Variants in ARPC1A observed in about 807,000 individuals in gnomAD.
ARPC1A encodes the protein actin-related protein 2/3 complex subunit 1A.
ARPC1A carries 8 observed loss-of-function variants against 46.9 expected under a neutral mutation model. The observed-to-expected ratio is 0.17, with a 90% CI of 0.10 to 0.31. The LOEUF (loss-of-function observed/expected upper bound fraction) is 0.31. Ranked by LOEUF, ARPC1A falls within the 10% of genes least tolerant of loss-of-function variation. The pLI, the probability that ARPC1A is intolerant of heterozygous loss-of-function variation, is 1.00. For synonymous variants in ARPC1A, 152 were observed against 169.0 expected, an observed-to-expected ratio of 0.90 and a Z score of 0.78; for missense variants, 286 against 483.6, an observed-to-expected ratio of 0.59 and a Z score of 3.83.
chr7:99,356,916 AAAAG>A (rs762253243), intron 6 of ARPC1A, among the ~76,000 whole-genome samples: 14 of 152,144 alleles, frequency 9.2e-5, no homozygotes, highest in Non-Finnish European at 1.8e-4. Flanking sequence ...AAGAAAGAAA[AAAAG>A]AAAGATTGTC....
At chr7:99,343,805 A>G (rs1409979667) in intron 3 of ARPC1A, among the ~76,000 whole-genome samples, 6 of 152,320 alleles carry the variant, frequency 3.9e-5, no homozygotes, top group East Asian at 1.9e-4. Context: ...ATCACAATAT[A>G]TAGTTCCCCC....
At chr7:99,337,701 G>T (rs1263368809) in intron 2 of ARPC1A, among the ~76,000 whole-genome samples, 1 of 152,130 alleles carries the variant, frequency 6.6e-6, no homozygotes, top group Non-Finnish European at 1.5e-5. Flanking sequence ...TAGTTTATCA[G>T]CAGAATCAAT....
intron 5 of ARPC1A, among the ~76,000 whole-genome samples, chr7:99,353,489 T>G (rs1226023774): frequency 6.7e-6 from 1 of 148,360 alleles, no homozygotes. Context: ...TATTTATTTA[T>G]TTATTGAGAA....
intron 3 of ARPC1A, 52 bp from the exon 4 acceptor site, chr7:99,344,241 C>T (rs1584379440): frequency 6.3e-7 from 1 of 1,575,094 alleles, no homozygotes; most frequent in South Asian, 1.1e-5. Flanking sequence ...GCCTGTGCCG[C>T]AGTTGTTTGT....
At chr7:99,333,218 A>G in intron 1 of ARPC1A, 107 bp from the exon 2 acceptor site, 2 of 740,804 alleles carry the variant, frequency 2.7e-6, no homozygotes, top group Non-Finnish European at 2.3e-6. Context: ...ATGGGAGGAC[A>G]ATGTTTTATT....
intron 6 of ARPC1A, among the ~76,000 whole-genome samples, chr7:99,356,113 A>G (rs1793624636): frequency 6.6e-6 from 1 of 152,156 alleles, no homozygotes; most frequent in African/African-American, 2.4e-5. Context: ...TGATAGCTAA[A>G]GGGAACTCAC....
At chr7:99,358,709 T>C (rs558177201) in intron 7 of ARPC1A, 9 of 298,816 alleles carry the variant, frequency 3.0e-5, no homozygotes, top group Non-Finnish European at 5.7e-5. Context: ...CCTGGCTAAT[T>C]TTGTATTTTT....
At chr7:99,332,954 T>C (rs1329096314) in intron 1 of ARPC1A, among the ~76,000 whole-genome samples, 2 of 151,174 alleles carry the variant, frequency 1.3e-5, no homozygotes, top group African/African-American at 4.9e-5. Context: ...TGGAGTGCAG[T>C]GGCATGATCT....
intron 3 of ARPC1A, 71 bp from the exon 4 acceptor site, chr7:99,344,222 C>T: frequency 6.8e-7 from 1 of 1,467,766 alleles, no homozygotes; most frequent in South Asian, 1.2e-5. Flanking sequence ...ATGCCAGTGC[C>T]ACCCACCTGC....
At chr7:99,363,680 T>G (rs1253800404) in intron 9 of ARPC1A, 47 bp downstream of exon 9, 1 of 1,447,620 alleles carries the variant, frequency 6.9e-7, no homozygotes, top group Non-Finnish European at 9.4e-7. Flanking sequence ...TAAAACTTTT[T>G]TTTTTTTTTT....
intron 6 of ARPC1A, among the ~76,000 whole-genome samples, chr7:99,355,660 C>T (rs1360695285): frequency 2.0e-5 from 3 of 151,900 alleles, no homozygotes; most frequent in Admixed American, 6.6e-5. Flanking sequence ...AGGAGAATCA[C>T]TTGAACCCAG....
intron 8 of ARPC1A, among the ~76,000 whole-genome samples, chr7:99,362,171 G>A (rs1793753167): frequency 1.3e-5 from 2 of 151,642 alleles, no homozygotes; most frequent in Non-Finnish European, 2.9e-5. Context: ...GCAGGTGCTT[G>A]TAATCCCAGC....
At position 99,361,620 on chromosome 7, in the gene ARPC1A, G is replaced by A. The variant is rs141889182; in HGVS notation, c.983+1882G>A. ...GTTACTTCTTGTGAGTTTCTCTTAC[G>A]TTTCTATACAGACCAAGTGTTAAGG... is the stretch of plus-strand genomic sequence containing the variant. On this transcript the variant is annotated intron_variant, in intron 8 of 9. Coordinates refer to ENST00000262942, the MANE Select transcript of ARPC1A (RefSeq NM_006409.4). 2.2e-3 allele frequency among the ~76,000 whole-genome samples: 342 copies of A among 152,078 alleles called. 1 individual carries two copies. The highest frequency in any genetic ancestry group is 4.3e-3 in the Non-Finnish European group (289 of 67,998).
At position 99,361,668 on chromosome 7, in the gene ARPC1A, C is replaced by G. The variant is rs534439004; in HGVS notation, c.984-1875C>G. On this transcript the variant is annotated intron_variant, in intron 8 of 9. Coordinates refer to ENST00000262942, the MANE Select transcript of ARPC1A (RefSeq NM_006409.4). ...AGGAAAGAAAAAGCTCTCATTGCCT[C>G]TCTGACACTTCTAGATGAAAAATGA... is the stretch of plus-strand genomic sequence containing the variant. 5.9e-5 allele frequency among the ~76,000 whole-genome samples: 9 copies of G among 152,274 alleles called. No homozygotes were observed. The South Asian group carries it at 1.9e-3, about 32-fold the overall frequency.
At chr7:99,355,282 C>G (rs1584384999) in intron 6 of ARPC1A, among the ~76,000 whole-genome samples, 1 of 145,170 alleles carries the variant, frequency 6.9e-6, no homozygotes, top group South Asian at 2.2e-4. Flanking sequence ...AACTATGTCT[C>G]AAAAAAAAAA....
intron 9 of ARPC1A, 44 bp downstream of exon 9, chr7:99,363,677 T>A: frequency 1.2e-6 from 1 of 847,496 alleles, no homozygotes; most frequent in Non-Finnish European, 1.6e-6. Context: ...TGTTAAAACT[T>A]TTTTTTTTTT....
intron 5 of ARPC1A, among the ~76,000 whole-genome samples, chr7:99,349,710 G>A (rs935412004): frequency 1.3e-5 from 2 of 152,086 alleles, no homozygotes; most frequent in East Asian, 1.9e-4. Flanking sequence ...CGTGGTGGCG[G>A]GTGCCTGTAG....
At chr7:99,338,087 A>C in intron 2 of ARPC1A, 94 bp from the exon 3 acceptor site, 1 of 869,264 alleles carries the variant, frequency 1.2e-6, no homozygotes, top group Non-Finnish European at 1.7e-6. Flanking sequence ...TCTTTTCCTT[A>C]CTATAGTCTG....
chr7:99,333,500 T>G, intron 2 of ARPC1A, 83 bp downstream of exon 2: 4 of 1,189,780 alleles, frequency 3.4e-6, no homozygotes, highest in Non-Finnish European at 4.9e-6. Context: ...CTCACATATC[T>G]CAGTATCACA....
Sources: gnomAD v4.1 joint callset for allele counts (sites outside exome capture counted in the v4.1 genomes callset) on GRCh38, gnomAD v4.1.1 for gene constraint, MANE v1.5 for transcripts, NCBI Gene and HGNC (gene_info 2026-07-23, HGNC 2026-07-21) for gene names.